The following SLC37A3 variants were observed in gnomAD, a reference collection of about 807,000 sequenced individuals.
SLC37A3 encodes sugar phosphate exchanger 3.
Under a neutral mutation model 67.1 loss-of-function variants are expected in SLC37A3, and 51 were observed. The ratio of observed to expected loss-of-function variants is 0.76; its 90% confidence interval spans 0.61 to 0.96. SLC37A3 has a LOEUF of 0.96. Among genes scored for constraint, SLC37A3 ranks in the 40% least tolerant of loss-of-function variants. The pLI, the probability that SLC37A3 is intolerant of heterozygous loss-of-function variation, is 0.00. For synonymous variants in SLC37A3, 214 were observed against 231.4 expected (o/e 0.92, Z 0.68); for missense variants, 508 against 603.0 (o/e 0.84, Z 1.65).
intron 7 of SLC37A3, among the ~76,000 whole-genome samples, chr7:140,353,742 T>C (rs1379498585): frequency 2.0e-5 from 3 of 151,876 alleles, no homozygotes; most frequent in Non-Finnish European, 2.9e-5. Flanking sequence ...ATACGGAGTC[T>C]CGCTTTGTCA....
rs1229749268 is a variant in SLC37A3, at chr7:140,361,839, C to T, written c.375+2569G>A. 3.8e-3 allele frequency among the ~76,000 whole-genome samples: 546 copies of T among 142,864 alleles called. 8 individuals are homozygous for T. The South Asian group carries it at 0.04, about 10-fold the overall frequency. 93.7% of individuals were successfully genotyped at this position (142,864 alleles called of 152,430 possible). On this transcript the variant is annotated intron_variant, in intron 5 of 14. Transcript: ENST00000326232. ...GGTGCCGGGATTGCAGACGGAGTCT[C>T]GTTCACTCAGTGCTCAATGGTGCCC...
At chr7:140,386,218 T>C (rs6464736) in intron 1 of SLC37A3, among the ~76,000 whole-genome samples, 103,349 of 151,866 alleles carry the variant, frequency 0.68, 35,417 homozygotes, top group East Asian at 0.8. Flanking sequence ...CAGGCGCACA[T>C]GCCACCACAT....
At chr7:140,351,020 T>C (rs1337455875) in intron 9 of SLC37A3, among the ~76,000 whole-genome samples, 2 of 152,134 alleles carry the variant, frequency 1.3e-5, no homozygotes, top group African/African-American at 2.4e-5. Context: ...AGCTGAGTAG[T>C]TGGGGGAGAG....
In SLC37A3 at chr7:140,337,334, T is replaced by C. The variant is rs1453509126; in HGVS notation, c.1342A>G (p.Ile448Val). 5.0e-6 allele frequency: 8 copies of C among 1,599,312 alleles called. No homozygotes were observed. In the Admixed American group the frequency reaches 1.4e-4, roughly 27 times the overall value. Reference sequence around the variant, plus strand: ...CACATCCATCCTAGCTTGTCCCGGATCAGAGACACTAAATACTGAAAGGGA... The same window carrying C: ...CACATCCATCCTAGCTTGTCCCGGACCAGAGACACTAAATACTGAAAGGGA... ...AAVGQYLVSL[I>V]RDKLGWMWVF... is the part of the protein sequence containing the mutation. The change falls in exon 14 of 15, where the codon ATC becomes GTC. Residue 448 changes from isoleucine to valine, a missense_variant. Ile to Val is a conservative substitution (Grantham distance 29). Coordinates refer to ENST00000326232, the MANE Select transcript of SLC37A3 (RefSeq NM_207113.3).
At chr7:140,377,227 GT>G (rs1798069910) in intron 3 of SLC37A3, among the ~76,000 whole-genome samples, 1 of 147,870 alleles carries the variant, frequency 6.8e-6, no homozygotes, top group South Asian at 2.1e-4. Context: ...TTTTTGTTTT[GT>G]TTTTGTTTTC....
chr7:140,351,830 A>T, intron 8 of SLC37A3: 1 of 624,112 alleles, frequency 1.6e-6, no homozygotes, highest in Non-Finnish European at 2.9e-6. Flanking sequence ...GCAAATGCGA[A>T]GATTTTCCTG....
At chr7:140,395,613 CAGG>C (rs1798893550) in intron 1 of SLC37A3, among the ~76,000 whole-genome samples, 1 of 151,416 alleles carries the variant, frequency 6.6e-6, no homozygotes. Flanking sequence ...GAGGCTGAAA[CAGG>C]AGAATTGCTT....
intron 1 of SLC37A3, among the ~76,000 whole-genome samples, chr7:140,392,993 G>A (rs1169400686): frequency 2.6e-5 from 4 of 152,106 alleles, no homozygotes; most frequent in Non-Finnish European, 5.9e-5. Context: ...TCAGGAGGCT[G>A]AAGCAGGAGA....
At position 140,337,378 on chromosome 7, in the gene SLC37A3, A is replaced by G. The variant is rs73737576; in HGVS notation, c.1327-29T>C. On this transcript the variant is annotated intron_variant, in intron 13 of 14. Coordinates refer to ENST00000326232, the MANE Select transcript of SLC37A3 (RefSeq NM_207113.3). ...AAAGGGAGGAAAAAAAAATTACAAT[A>G]TAATTCTTTATAATTCATAAAAGGA... The G allele has an allele frequency of 7.9e-3, 11,773 of 1,487,224 alleles. 711 individuals are homozygous for G. In the African/African-American group the frequency reaches 0.14, roughly 18 times the overall value. The allele number at this position is 1,487,224 out of a possible 1,614,324, so 92.1% of individuals were successfully genotyped here.
At chr7:140,373,348 ATGAC>A (rs2129688334) in intron 3 of SLC37A3, among the ~76,000 whole-genome samples, 1 of 152,346 alleles carries the variant, frequency 6.6e-6, no homozygotes, top group South Asian at 2.1e-4. Flanking sequence ...ACTTGAAAGA[ATGAC>A]TGAGAAACTA....
Position 140,335,202 on chromosome 7 carries a change from A to G in SLC37A3, c.*210T>C. Reference sequence around the variant, plus strand: ...TCACTCGGCACATTCATGAAACAACAGCAAAAATCATCAACAGTAATTCCT... The same window carrying G: ...TCACTCGGCACATTCATGAAACAACGGCAAAAATCATCAACAGTAATTCCT... On this transcript the variant is annotated 3_prime_UTR_variant, in exon 15 of 15. Coordinates refer to ENST00000326232, the MANE Select transcript of SLC37A3 (RefSeq NM_207113.3). 12 of 1,595,616 alleles carry G rather than the reference A, an allele frequency of 7.5e-6. No individual in the cohort carries two copies. Among genetic ancestry groups the G allele is most frequent in the Non-Finnish European group, 1.0e-5 (12 of 1,167,760 alleles).
At chr7:140,362,418 T>TG (rs200795551) in intron 5 of SLC37A3, among the ~76,000 whole-genome samples, 3,194 of 102,712 alleles carry the variant, frequency 0.031, 99 homozygotes, top group Admixed American at 0.041. Context: ...GGGAGGGAGG[T>TG]GGGGGGGGGG....
At chr7:140,386,935 T>C (rs910039430) in intron 1 of SLC37A3, 1 of 152,168 alleles carries the variant, frequency 6.6e-6, no homozygotes, top group African/African-American at 2.4e-5. Context: ...AATACACAAT[T>C]ATCAACCGAT....
chr7:140,372,256 C>G (rs1797851007), intron 3 of SLC37A3, among the ~76,000 whole-genome samples: 1 of 152,190 alleles, frequency 6.6e-6, no homozygotes, highest in African/African-American at 2.4e-5. Context: ...CTCAAAGATA[C>G]AGAAAGGGTT....
At chr7:140,387,724 T>A (rs1476186229) in intron 1 of SLC37A3, among the ~76,000 whole-genome samples, 2 of 31,542 alleles carry the variant, frequency 6.3e-5, no homozygotes, top group Admixed American at 5.1e-4. Context: ...CTATATATAT[T>A]ATATAAATAT....
chr7:140,369,194 T>C (rs1797722914), intron 4 of SLC37A3, among the ~76,000 whole-genome samples: 1 of 152,210 alleles, frequency 6.6e-6, no homozygotes, highest in South Asian at 2.1e-4. Context: ...GTCTCCCGGC[T>C]GTGCTACTTA....
intron 3 of SLC37A3, among the ~76,000 whole-genome samples, chr7:140,375,171 CAACAAA>C (rs1797982201): frequency 7.5e-6 from 1 of 132,660 alleles, no homozygotes; most frequent in Non-Finnish European, 1.6e-5. Flanking sequence ...AAACAAAAAA[CAACAAA>C]AAAAAAACAG....
At chr7:140,397,061 G>A (rs1212042540) in intron 1 of SLC37A3, among the ~76,000 whole-genome samples, 3 of 150,294 alleles carry the variant, frequency 2.0e-5, no homozygotes, top group African/African-American at 7.3e-5. Flanking sequence ...TTAGCCTGGC[G>A]TGGTGGCGGG....
intron 6 of SLC37A3, among the ~76,000 whole-genome samples, chr7:140,356,502 C>A (rs1276002214): frequency 6.6e-6 from 1 of 151,710 alleles, no homozygotes; most frequent in African/African-American, 2.4e-5. Flanking sequence ...ACCAACACGG[C>A]GAAACCCCGT....
Sources: allele counts gnomAD v4.1 joint callset (sites outside exome capture counted in the v4.1 genomes callset), GRCh38; gene constraint gnomAD v4.1.1; transcripts MANE v1.5; gene names NCBI Gene and HGNC (gene_info 2026-07-23, HGNC 2026-07-21).